The following RPS6KA6 variants were observed in gnomAD, a reference collection of about 807,000 sequenced individuals.
RPS6KA6 encodes ribosomal protein S6 kinase alpha-6.
A neutral mutation model predicts 65.4 loss-of-function variants in RPS6KA6; 27 were observed. The observed-to-expected ratio is 0.41, with a 90% CI of 0.30 to 0.57. The LOEUF is 0.57. Among genes scored for constraint, RPS6KA6 ranks in the 20% least tolerant of loss-of-function variants. The probability of loss-of-function intolerance (pLI) is 0.24; values close to 1 mark genes in which losing one functional copy is unlikely to be tolerated. For missense variants in RPS6KA6, 486 were observed against 555.6 expected, an observed-to-expected ratio of 0.87 and a Z score of 1.26; for synonymous variants, 190 against 184.2, an observed-to-expected ratio of 1.03 and a Z score of -0.26.
intron 8 of RPS6KA6, 87 bp downstream of exon 8, chrX:84,134,695 G>GA: frequency 1.7e-6 from 1 of 598,646 alleles, no homozygotes; most frequent in South Asian, 3.4e-5. Flanking sequence ...TTCAGAAAGA[G>GA]AAAAAAACAG....
chrX:84,143,696 T>C (rs186963540), intron 6 of RPS6KA6, among the ~76,000 whole-genome samples: 48 of 111,213 alleles, frequency 4.3e-4, no homozygotes, highest in African/African-American at 1.6e-3. Flanking sequence ...GATTTTAAAA[T>C]TGATATGGAA....
At chrX:84,159,074 ATG>A (rs750632753) in intron 2 of RPS6KA6, among the ~76,000 whole-genome samples, 5 of 109,169 alleles carry the variant, frequency 4.6e-5, no homozygotes, top group African/African-American at 1.7e-4. Context: ...ACATATACAC[ATG>A]TGTGTATGTG....
At chrX:84,068,659 T>G (rs1263259377) in intron 20 of RPS6KA6, among the ~76,000 whole-genome samples, 4 of 112,113 alleles carry the variant, frequency 3.6e-5, no homozygotes, top group Non-Finnish European at 7.5e-5. Context: ...CATAATTGTA[T>G]ATTCAGAAAA....
chrX:84,141,447 G>T (rs2035101532), intron 6 of RPS6KA6, among the ~76,000 whole-genome samples: 1 of 107,446 alleles, frequency 9.3e-6, no homozygotes, highest in Admixed American at 1.0e-4. Flanking sequence ...GCCAGGAGAA[G>T]AGGGAAACAA....
At chrX:84,158,018 ACT>A (rs771764610) in intron 2 of RPS6KA6, among the ~76,000 whole-genome samples, 1 of 109,402 alleles carries the variant, frequency 9.1e-6, no homozygotes, top group East Asian at 2.9e-4. Context: ...AAAATGTTAC[ACT>A]GTGTCCGAAC....
intron 8 of RPS6KA6, among the ~76,000 whole-genome samples, chrX:84,132,492 C>A (rs2034916215): frequency 1.8e-5 from 2 of 110,473 alleles, no homozygotes; most frequent in Non-Finnish European, 3.8e-5. Flanking sequence ...ATTATAGCAA[C>A]CACAGTTCAA....
chrX:84,067,590 G>A (rs1285652056), intron 20 of RPS6KA6, among the ~76,000 whole-genome samples: 1 of 111,499 alleles, frequency 9.0e-6, no homozygotes, highest in African/African-American at 3.3e-5. Flanking sequence ...TAAAAGGAAC[G>A]AACAAAGCCT....
At chrX:84,093,821 T>C (rs2034096830) in intron 20 of RPS6KA6, among the ~76,000 whole-genome samples, 1 of 111,712 alleles carries the variant, frequency 9.0e-6, no homozygotes, top group Non-Finnish European at 1.9e-5. Flanking sequence ...TAACGCTTAG[T>C]TCCCTAATCC....
chrX:84,111,769 A>G (rs2034474714), intron 12 of RPS6KA6, among the ~76,000 whole-genome samples: 1 of 111,087 alleles, frequency 9.0e-6, no homozygotes, highest in South Asian at 3.8e-4. Context: ...CCTATAAAAC[A>G]ATCATACAAT....
At chrX:84,165,389 A>C (rs895259492) in intron 1 of RPS6KA6, among the ~76,000 whole-genome samples, 1 of 111,617 alleles carries the variant, frequency 9.0e-6, no homozygotes, top group Non-Finnish European at 1.9e-5. Flanking sequence ...ACAAAAAGAA[A>C]CTACATAAGA....
intron 18 of RPS6KA6, among the ~76,000 whole-genome samples, chrX:84,099,801 C>A (rs1269169688): frequency 9.1e-6 from 1 of 110,465 alleles, no homozygotes; most frequent in Admixed American, 9.7e-5. Context: ...CCTAATAAAC[C>A]CCAAGAGGTT....
In RPS6KA6 at chrX:84,106,448, A is replaced by C. The variant is rs767002061; in HGVS notation, c.1282T>G (p.Leu428Val). 1.1e-5 allele frequency: 13 copies of C among 1,168,951 alleles called. No individual in the cohort carries two copies. In the South Asian group the frequency reaches 2.4e-4, roughly 22 times the overall value. ...GAGCCAACACCAATATCCTCCTTCAATTCATATACTTCACCAAATTGTGCA... is the reference window on the plus strand; with the variant it reads ...GAGCCAACACCAATATCCTCCTTCACTTCATATACTTCACCAAATTGTGCA... ...NAAQFGEVYE[L>V]KEDIGVGSYS... Residue 428 changes from leucine (L) to valine (V), a missense_variant, in exon 15 of 22, where the codon TTG (leucine) becomes GTG (valine). This residue lies in a region of RPS6KA6 where 345 missense variants were observed against 375.0 expected (regional missense o/e 0.92). Transcript: ENST00000262752.
At chrX:84,178,189 T>C (rs1792700066) in intron 1 of RPS6KA6, among the ~76,000 whole-genome samples, 1 of 112,355 alleles carries the variant, frequency 8.9e-6, no homozygotes, top group Non-Finnish European at 1.9e-5. Context: ...GGCAAAGAGA[T>C]AGTTTCTAGA....
At chrX:84,086,320 G>A (rs746946359) in intron 20 of RPS6KA6, among the ~76,000 whole-genome samples, 1 of 111,472 alleles carries the variant, frequency 9.0e-6, no homozygotes, top group East Asian at 2.8e-4. Context: ...CCTCAACACT[G>A]TTTTAGCTGA....
In RPS6KA6 at chrX:84,134,768, G is replaced by A. The variant is rs1395123250; in HGVS notation, c.646+14C>T. 14 of 1,089,553 alleles carry A rather than the reference G, an allele frequency of 1.3e-5. No homozygotes were observed. The highest frequency in any genetic ancestry group is 1.7e-5 in the Non-Finnish European group (14 of 809,333). The allele number at this position is 1,089,553 out of a possible 1,213,427, so 89.8% of individuals were successfully genotyped here. A position where few individuals can be genotyped will look rare whatever the true frequency, so the allele number is the denominator to read the frequency against. ...AATCAAGTGGCTAAGGGTATAATAA[G>A]AAAATCTGCATACCTGTTAATTTGA... On this transcript the variant is annotated intron_variant, in intron 8 of 21. Coordinates refer to ENST00000262752, the MANE Select transcript of RPS6KA6 (RefSeq NM_014496.5).
In RPS6KA6 at chrX:84,060,407, T is replaced by C. The variant is rs1456359554; in HGVS notation, c.*3870A>G. 1 of 103,629 alleles carries C rather than the reference T, an allele frequency of 9.6e-6. No individual in the cohort carries two copies. Among genetic ancestry groups the C allele is most frequent in the Admixed American group, 1.0e-4 (1 of 9,542 alleles). The allele number at this position is 103,629 out of a possible 1,213,427, so 8.5% of individuals were successfully genotyped here. A position where few individuals can be genotyped will look rare whatever the true frequency, so the allele number is the denominator to read the frequency against. ...ATCTGGAAAAGGGATCTGGAAAAAT[T>C]TGGACTCCATGAGTAGTTTGGATTC... On this transcript the variant is annotated 3_prime_UTR_variant, in exon 22 of 22. Coordinates refer to ENST00000262752, the MANE Select transcript of RPS6KA6 (RefSeq NM_014496.5).
intron 6 of RPS6KA6, among the ~76,000 whole-genome samples, chrX:84,143,385 C>CA (rs777055804): frequency 2.7e-5 from 3 of 110,698 alleles, no homozygotes; most frequent in East Asian, 5.6e-4. Flanking sequence ...GCTCAATACA[C>CA]AAAAAATCGG....
intron 20 of RPS6KA6, among the ~76,000 whole-genome samples, chrX:84,090,378 G>A (rs1428834476): frequency 8.9e-6 from 1 of 111,996 alleles, no homozygotes; most frequent in African/African-American, 3.2e-5. Flanking sequence ...GAAAACTGTG[G>A]TACTACTATG....
Position 84,120,041 on chromosome X carries a change from A to T in RPS6KA6, c.647-14T>A, listed in dbSNP as rs1224557852. 2 of 1,116,946 alleles carry T rather than the reference A, an allele frequency of 1.8e-6. No homozygotes were observed. The highest frequency in any genetic ancestry group is 2.4e-6 in the Non-Finnish European group (2 of 843,853). The allele number at this position is 1,116,946 out of a possible 1,213,427, so 92.0% of individuals were successfully genotyped here. On this transcript the variant is annotated splice_polypyrimidine_tract_variant and intron_variant, in intron 8 of 21. Coordinates refer to ENST00000262752, the MANE Select transcript of RPS6KA6 (RefSeq NM_014496.5). Reference sequence around the variant, plus strand: ...TGAGTCCAAAATCTATAATAACAGTATTACCAAAAAATGTGTCTGAAAAAC... The same window carrying T: ...TGAGTCCAAAATCTATAATAACAGTTTTACCAAAAAATGTGTCTGAAAAAC...
Sources: allele counts gnomAD v4.1 joint callset (sites outside exome capture counted in the v4.1 genomes callset), GRCh38; gene constraint gnomAD v4.1.1; regional missense constraint gnomAD v4.1.1; transcripts MANE v1.5; gene names NCBI Gene and HGNC (gene_info 2026-07-23, HGNC 2026-07-21).